Variants in SREK1 observed in about 807,000 individuals in gnomAD.
SREK1 encodes the protein splicing regulatory glutamine/lysine-rich protein 1.
A neutral mutation model predicts 66.5 loss-of-function variants in SREK1; 13 were observed. That is an observed-to-expected ratio of 0.20 (90% CI 0.13 to 0.31). The LOEUF (loss-of-function observed/expected upper bound fraction) is 0.31, where lower values mean the gene tolerates loss of function less well. SREK1 is among the 10% of genes least tolerant of loss of function. The probability of loss-of-function intolerance (pLI) is 1.00; values close to 1 mark genes in which losing one functional copy is unlikely to be tolerated. For synonymous variants in SREK1, 265 were observed against 263.5 expected (o/e 1.01, Z -0.05); for missense variants, 607 against 769.6 (o/e 0.79, Z 2.50).
intron 9 of SREK1, 121 bp from the exon 10 acceptor site, chr5:66,174,825 A>T: frequency 1.2e-6 from 1 of 831,146 alleles, no homozygotes; most frequent in African/African-American, 1.7e-5. Context: ...ACATAAGTTT[A>T]AACTGGCCTC....
intron 2 of SREK1, chr5:66,156,218 T>C: frequency 7.7e-7 from 1 of 1,301,792 alleles, no homozygotes. Flanking sequence ...TGTTTTTTAT[T>C]GTTTTACTTT....
At chr5:66,155,978 C>CT (rs1300936495) in intron 2 of SREK1, 124 of 1,525,140 alleles carry the variant, frequency 8.1e-5, no homozygotes, top group Non-Finnish European at 1.0e-4. Flanking sequence ...TCAGTCATAA[C>CT]TTTATGTCCA....
At chr5:66,159,475 CTT>C (rs201665610) in intron 3 of SREK1, 141 bp downstream of exon 3, 2 of 627,800 alleles carry the variant, frequency 3.2e-6, no homozygotes, top group African/African-American at 1.9e-5. Context: ...ACTGCTTAAA[CTT>C]TTTTTTTCAC....
In SREK1 at chr5:66,182,016, T is replaced by G. The variant is rs1746540815; in HGVS notation, c.*3148T>G. The G allele has an allele frequency of 6.6e-6, 1 of 151,572 alleles. No homozygotes were observed. The highest frequency in any genetic ancestry group is 2.4e-5 in the African/African-American group (1 of 41,364). 9.4% of individuals were successfully genotyped at this position (151,572 alleles called of 1,614,324 possible). ...TTAAAACTTAGAACCCTGATCTAACTCCCTTCTCAAGTGAAGATACTGTGT... is the reference window on the plus strand; with the variant it reads ...TTAAAACTTAGAACCCTGATCTAACGCCCTTCTCAAGTGAAGATACTGTGT... On this transcript the variant is annotated 3_prime_UTR_variant, in exon 12 of 12. Transcript: ENST00000334121.
intron 10 of SREK1, among the ~76,000 whole-genome samples, chr5:66,175,613 G>A (rs1455685324): frequency 2.0e-5 from 3 of 152,126 alleles, no homozygotes; most frequent in Non-Finnish European, 2.9e-5. Flanking sequence ...AAATGGCATT[G>A]TTAAGTTAGA....
intron 1 of SREK1, 160 bp downstream of exon 1, chr5:66,144,697 C>T (rs1580603694): frequency 7.5e-7 from 1 of 1,332,668 alleles, no homozygotes; most frequent in Non-Finnish European, 9.9e-7. Context: ...CGGGTTCCGC[C>T]GTCCTGCTCT....
rs989968493 is a variant in SREK1 at position 66,180,197 on chromosome 5, G to T, written c.*1329G>T. The stretch of plus-strand genomic sequence containing the variant: ...GATACAGGTCATCCATCATTCTTAG[G>T]CTCACTTTTTACAGAAAGTATGCAA... On this transcript the variant is annotated 3_prime_UTR_variant, in exon 12 of 12. Coordinates refer to ENST00000334121, the MANE Select transcript of SREK1 (RefSeq NM_001077199.3). The T allele has an allele frequency of 6.6e-6, 1 of 152,388 alleles. No individual in the cohort carries two copies. Among genetic ancestry groups the T allele is most frequent in the Admixed American group, 6.6e-5 (1 of 15,248 alleles). 9.4% of individuals were successfully genotyped at this position (152,388 alleles called of 1,614,324 possible). A position where few individuals can be genotyped will look rare whatever the true frequency, so the allele number is the denominator to read the frequency against.
chr5:66,146,006 C>T (rs1743162800), intron 1 of SREK1, among the ~76,000 whole-genome samples: 1 of 151,454 alleles, frequency 6.6e-6, no homozygotes, highest in South Asian at 2.1e-4. Context: ...ATATATATAT[C>T]TTTATATTCG....
chr5:66,151,180 C>G (rs990439676), intron 1 of SREK1, among the ~76,000 whole-genome samples: 7 of 152,098 alleles, frequency 4.6e-5, no homozygotes, highest in African/African-American at 1.7e-4. Flanking sequence ...GGGGTGGGAA[C>G]TTTACTCATT....
At chr5:66,164,035 A>T (rs991406253) in intron 6 of SREK1, 113 bp downstream of exon 6, 23 of 1,302,158 alleles carry the variant, frequency 1.8e-5, no homozygotes, top group Non-Finnish European at 2.2e-5. Flanking sequence ...AAACAAGAAG[A>T]CTGAAACTCA....
At chr5:66,165,200 A>G (rs953794321) in intron 7 of SREK1, 8 of 192,008 alleles carry the variant, frequency 4.2e-5, no homozygotes, top group Non-Finnish European at 6.4e-5. Flanking sequence ...AAGTGACAAA[A>G]GCTGTTTTCA....
At chr5:66,178,268 G>A (rs189511688) in intron 11 of SREK1, among the ~76,000 whole-genome samples, 1 of 152,136 alleles carries the variant, frequency 6.6e-6, no homozygotes, top group East Asian at 1.9e-4. Context: ...GGCACTGTTT[G>A]TTCTCATTTA....
At chr5:66,146,516 T>G (rs1334660955) in intron 1 of SREK1, among the ~76,000 whole-genome samples, 2 of 152,148 alleles carry the variant, frequency 1.3e-5, no homozygotes, top group Non-Finnish European at 2.9e-5. Context: ...TTTCACAAAC[T>G]GTAACACATT....
At chr5:66,146,092 G>T (rs1743171829) in intron 1 of SREK1, among the ~76,000 whole-genome samples, 1 of 151,966 alleles carries the variant, frequency 6.6e-6, no homozygotes, top group African/African-American at 2.4e-5. Context: ...TTGATTAACC[G>T]TGGCATTATT....
chr5:66,154,442 G>A (rs1383900529), intron 2 of SREK1, among the ~76,000 whole-genome samples: 1 of 152,144 alleles, frequency 6.6e-6, no homozygotes, highest in African/African-American at 2.4e-5. Context: ...AAATTAAAAT[G>A]TCTTAAAGTA....
At chr5:66,170,009 C>A in intron 7 of SREK1, 42 bp from the exon 8 acceptor site, 1 of 1,439,606 alleles carries the variant, frequency 6.9e-7, no homozygotes, top group South Asian at 1.5e-5. Context: ...TTTGAAAGAT[C>A]GTAAATTAAG....
chr5:66,145,307 A>C, intron 1 of SREK1: 1 of 368,154 alleles, frequency 2.7e-6, no homozygotes, highest in Non-Finnish European at 3.8e-6. Flanking sequence ...CTCGTACGAT[A>C]TTATTTAGAA....
rs1746501857 is a variant in SREK1 at position 66,181,720 on chromosome 5, T to C, written c.*2852T>C. Reference sequence around the variant, plus strand: ...TTCTGCAGTTATCATCTTAGTTATTTTCTATCTAATTAGCTTATAATTGCA... The same window carrying C: ...TTCTGCAGTTATCATCTTAGTTATTCTCTATCTAATTAGCTTATAATTGCA... On this transcript the variant is annotated 3_prime_UTR_variant, in exon 12 of 12. Transcript: ENST00000334121. 1 of 152,164 alleles carries C rather than the reference T, an allele frequency of 6.6e-6. No homozygotes were observed. Among genetic ancestry groups the C allele is most frequent in the African/African-American group, 2.4e-5 (1 of 41,450 alleles). The allele number at this position is 152,164 out of a possible 1,614,324, so 9.4% of individuals were successfully genotyped here.
chr5:66,178,228 T>C (rs1033989989), intron 11 of SREK1, among the ~76,000 whole-genome samples: 2 of 151,642 alleles, frequency 1.3e-5, no homozygotes, highest in Non-Finnish European at 2.9e-5. Flanking sequence ...ATAACATTGA[T>C]AACATTTATT....
Sources: allele counts gnomAD v4.1 joint callset (sites outside exome capture counted in the v4.1 genomes callset), GRCh38; gene constraint gnomAD v4.1.1; transcripts MANE v1.5; gene names NCBI Gene and HGNC (gene_info 2026-07-23, HGNC 2026-07-21).